The following PRR16 variants were observed in gnomAD, a reference collection of about 807,000 sequenced individuals.
The protein encoded by PRR16 is protein Largen.
A neutral mutation model predicts 18.2 loss-of-function variants in PRR16; 6 were observed. That is an observed-to-expected ratio of 0.33 (90% CI 0.18 to 0.65). The LOEUF (loss-of-function observed/expected upper bound fraction) is 0.65. Among genes scored for constraint, PRR16 ranks in the 30% least tolerant of loss-of-function variants. PRR16 has a pLI of 0.74. For missense variants in PRR16, 412 were observed against 376.6 expected, an observed-to-expected ratio of 1.09 and a Z score of -0.78; for synonymous variants, 151 against 147.8, an observed-to-expected ratio of 1.02 and a Z score of -0.16.
chr5:120,675,833 C>T (rs1198259261), intron 1 of PRR16, among the ~76,000 whole-genome samples: 1 of 151,986 alleles, frequency 6.6e-6, no homozygotes, highest in African/African-American at 2.4e-5. Flanking sequence ...TTGCTTTTGA[C>T]CAAAAATATT....
intron 1 of PRR16, among the ~76,000 whole-genome samples, chr5:120,675,572 T>C (rs887892936): frequency 4.6e-5 from 7 of 152,328 alleles, no homozygotes; most frequent in Middle Eastern, 6.8e-3. Flanking sequence ...ATTTATAAAA[T>C]ATCTGATTAG....
rs531822053 is a variant in PRR16, at chr5:120,623,990, A to G, written c.160-61964A>G. The stretch of plus-strand genomic sequence containing the variant: ...TAGGTTTTTAATTTTTTACAATTGT[A>G]TGCTTAATGTTTGTGTGATTAAAAA... On this transcript the variant is annotated intron_variant, in intron 1 of 1. Coordinates refer to ENST00000407149, the MANE Select transcript of PRR16 (RefSeq NM_001300783.2). 5.9e-4 allele frequency among the ~76,000 whole-genome samples: 90 copies of G among 152,210 alleles called. 1 individual carries two copies. The highest frequency in any genetic ancestry group is 2.0e-3 in the African/African-American group (83 of 41,552).
At chr5:120,785,327 A>G in the PRR16 span, among the ~76,000 whole-genome samples, 18 of 152,108 alleles carry the variant, frequency 1.2e-4, no homozygotes, top group Non-Finnish European at 2.2e-4. Flanking sequence ...ATCAGTATCT[A>G]TTATAACAGC....
In PRR16 at chr5:120,586,179, A is replaced by AC. The variant is rs916568022; in HGVS notation, c.160-99775_160-99774insC. Among the ~76,000 whole-genome samples the AC allele has an allele frequency of 2.3e-4, 35 of 152,048 alleles. 1 individual carries two copies. Among genetic ancestry groups the AC allele is most frequent in the African/African-American group, 8.2e-4 (34 of 41,398 alleles). On this transcript the variant is annotated intron_variant, in intron 1 of 1. Transcript: ENST00000407149. ...AGAGCGAGACTCCATCTCAAAAAAA[A>AC]AAAAATATGTTTTTGATTGATGAAC...
the PRR16 span, among the ~76,000 whole-genome samples, chr5:120,785,055 C>T: frequency 6.6e-6 from 1 of 152,346 alleles, no homozygotes; most frequent in Non-Finnish European, 1.5e-5. Flanking sequence ...CTGTGTATAA[C>T]ATCCAGTAGT....
At chr5:120,523,272 T>C (rs1751246057) in intron 1 of PRR16, among the ~76,000 whole-genome samples, 1 of 152,192 alleles carries the variant, frequency 6.6e-6, no homozygotes, top group South Asian at 2.1e-4. Context: ...ATGAAAATAC[T>C]TGAAGGTTTT....
At chr5:120,722,130 T>C in the PRR16 span, among the ~76,000 whole-genome samples, 1 of 152,048 alleles carries the variant, frequency 6.6e-6, no homozygotes, top group Non-Finnish European at 1.5e-5. Flanking sequence ...GGTTTGGTTT[T>C]CTGTTCCTGT....
chr5:120,668,733 T>G (rs984948400), intron 1 of PRR16, among the ~76,000 whole-genome samples: 4 of 152,196 alleles, frequency 2.6e-5, no homozygotes, highest in African/African-American at 7.2e-5. Context: ...TGGCTGGATA[T>G]GAAATTCTAG....
the PRR16 span, among the ~76,000 whole-genome samples, chr5:120,788,712 A>AAGAT: frequency 6.6e-6 from 1 of 152,102 alleles, no homozygotes; most frequent in African/African-American, 2.4e-5. Flanking sequence ...TCCATGATGA[A>AAGAT]AGATTGTTTT....
intron 1 of PRR16, among the ~76,000 whole-genome samples, chr5:120,676,270 G>A (rs908500517): frequency 6.6e-6 from 1 of 152,124 alleles, no homozygotes. Context: ...TTTGACTGGT[G>A]AGATGTAAGC....
At chr5:120,713,018 TC>T in the PRR16 span, among the ~76,000 whole-genome samples, 1 of 152,164 alleles carries the variant, frequency 6.6e-6, no homozygotes, top group Non-Finnish European at 1.5e-5. Flanking sequence ...TGCACTCCTG[TC>T]TTCATTGCAC....
intron 1 of PRR16, among the ~76,000 whole-genome samples, chr5:120,653,514 A>C (rs1755863508): frequency 6.6e-6 from 1 of 151,990 alleles, no homozygotes. Flanking sequence ...AAAAATCACA[A>C]TACACATCCT....
chr5:120,524,041 A>G (rs898851762), intron 1 of PRR16, among the ~76,000 whole-genome samples: 2 of 152,140 alleles, frequency 1.3e-5, no homozygotes, highest in African/African-American at 2.4e-5. Flanking sequence ...AAAACTGCTC[A>G]GTTATATAAC....
At chr5:120,749,973 C>T in the PRR16 span, among the ~76,000 whole-genome samples, 7 of 152,052 alleles carry the variant, frequency 4.6e-5, no homozygotes. Context: ...CTCCTTACCC[C>T]CATGGTATAA....
chr5:120,689,619 G>A (rs1315510864), downstream of PRR16, among the ~76,000 whole-genome samples: 1 of 152,052 alleles, frequency 6.6e-6, no homozygotes, highest in Non-Finnish European at 1.5e-5. Flanking sequence ...TCCTTTGAAG[G>A]TGATGTTTCC....
At chr5:120,713,601 A>G in the PRR16 span, among the ~76,000 whole-genome samples, 2 of 152,124 alleles carry the variant, frequency 1.3e-5, no homozygotes, top group Non-Finnish European at 2.9e-5. Flanking sequence ...CGTATTGTGG[A>G]CAAAGAATCT....
At chr5:120,610,921 G>A (rs1580784862) in intron 1 of PRR16, among the ~76,000 whole-genome samples, 1 of 152,220 alleles carries the variant, frequency 6.6e-6, no homozygotes, top group African/African-American at 2.4e-5. Context: ...GAAAATGTGG[G>A]AAAGTTTGGA....
intron 1 of PRR16, among the ~76,000 whole-genome samples, chr5:120,607,404 T>A (rs1447965136): frequency 6.6e-6 from 1 of 152,248 alleles, no homozygotes; most frequent in Non-Finnish European, 1.5e-5. Flanking sequence ...ACAAACTTTT[T>A]ATGTTTTTCT....
chr5:120,656,042 A>G (rs1346027144), intron 1 of PRR16, among the ~76,000 whole-genome samples: 1 of 151,822 alleles, frequency 6.6e-6, no homozygotes, highest in South Asian at 2.1e-4. Flanking sequence ...CCAAATTCCA[A>G]CTGGGACTTG....
Sources: gnomAD v4.1 joint callset for allele counts (sites outside exome capture counted in the v4.1 genomes callset) on GRCh38, gnomAD v4.1.1 for gene constraint, MANE v1.5 for transcripts, NCBI Gene and HGNC (gene_info 2026-07-23, HGNC 2026-07-21) for gene names.